SKAP2: variants seen among roughly 807,000 people sequenced by gnomAD.
SKAP2 encodes src kinase-associated phosphoprotein 2.
In SKAP2, 28 loss-of-function variants were observed where a neutral mutation model predicts 54.9. That is an observed-to-expected ratio of 0.51 (90% CI 0.38 to 0.70). The LOEUF is 0.70. Among genes scored for constraint, SKAP2 ranks in the 30% least tolerant of loss-of-function variants. SKAP2 has a pLI of 0.00. For missense variants in SKAP2, 356 were observed against 424.1 expected (o/e 0.84, Z 1.41); for synonymous variants, 137 against 134.3 (o/e 1.02, Z -0.14).
chr7:26,657,903 A>G, the SKAP2 span, among the ~76,000 whole-genome samples: 13 of 152,242 alleles, frequency 8.5e-5, no homozygotes, highest in East Asian at 2.1e-3. Flanking sequence ...TGTATGCTGC[A>G]TACCAATTTC....
At chr7:26,766,618 T>C (rs897201029) in intron 4 of SKAP2, among the ~76,000 whole-genome samples, 12 of 152,226 alleles carry the variant, frequency 7.9e-5, no homozygotes, top group Non-Finnish European at 1.5e-4. Context: ...TTGTCATAAA[T>C]AGCTCTTACT....
At chr7:26,830,191 T>C (rs1157781312) in intron 4 of SKAP2, among the ~76,000 whole-genome samples, 1 of 152,182 alleles carries the variant, frequency 6.6e-6, no homozygotes, top group East Asian at 1.9e-4. Context: ...TATAAATCTG[T>C]AGAAACAGAA....
Position 26,864,523 on chromosome 7 carries a change from G to A in SKAP2, c.-94C>T. 1.3e-6 allele frequency: 2 copies of A among 1,490,582 alleles called. No homozygotes were observed. The highest frequency in any genetic ancestry group is 8.9e-7 in the Non-Finnish European group (1 of 1,121,638). 92.3% of individuals were successfully genotyped at this position (1,490,582 alleles called of 1,614,324 possible). ...GCTGCGACCTAGACTCAGGCTAGCGGCCCGGATTAAGAACAGCGGGGCTAC... is the reference window on the plus strand; with the variant it reads ...GCTGCGACCTAGACTCAGGCTAGCGACCCGGATTAAGAACAGCGGGGCTAC... On this transcript the variant is annotated 5_prime_UTR_variant, in exon 1 of 13. Coordinates refer to ENST00000345317, the MANE Select transcript of SKAP2 (RefSeq NM_003930.5).
At chr7:26,820,985 T>C (rs928885056) in intron 4 of SKAP2, among the ~76,000 whole-genome samples, 7 of 152,302 alleles carry the variant, frequency 4.6e-5, no homozygotes, top group Admixed American at 2.6e-4. Flanking sequence ...AAACTAAGGC[T>C]TAAACAGAAA....
intron 4 of SKAP2, among the ~76,000 whole-genome samples, chr7:26,825,536 A>G (rs75859681): frequency 6.6e-6 from 1 of 150,766 alleles, no homozygotes; most frequent in Non-Finnish European, 1.5e-5. Context: ...CTTCTCATAC[A>G]TTGCTAAAAA....
intron 4 of SKAP2, among the ~76,000 whole-genome samples, chr7:26,748,025 A>G (rs1412705250): frequency 1.3e-5 from 2 of 152,174 alleles, no homozygotes; most frequent in Non-Finnish European, 2.9e-5. Context: ...TATGACACGG[A>G]GTCCAATTAT....
At chr7:26,823,632 G>A (rs1285802639) in intron 4 of SKAP2, among the ~76,000 whole-genome samples, 1 of 152,080 alleles carries the variant, frequency 6.6e-6, no homozygotes, top group African/African-American at 2.4e-5. Context: ...ATCTAGCAGA[G>A]GTTGGTTCAT....
At chr7:26,772,307 T>C (rs977347670) in intron 4 of SKAP2, among the ~76,000 whole-genome samples, 1 of 152,172 alleles carries the variant, frequency 6.6e-6, no homozygotes, top group African/African-American at 2.4e-5. Context: ...TGGGGTTTGG[T>C]GTACAAATGA....
chr7:26,754,356 T>A (rs1782744837), intron 4 of SKAP2, among the ~76,000 whole-genome samples: 1 of 80,822 alleles, frequency 1.2e-5, no homozygotes, highest in Non-Finnish European at 2.2e-5. Context: ...ACAGTGAGAC[T>A]CCGTCACACA....
At chr7:26,681,166 C>T (rs1786484281) in intron 11 of SKAP2, among the ~76,000 whole-genome samples, 2 of 152,184 alleles carry the variant, frequency 1.3e-5, no homozygotes, top group African/African-American at 4.8e-5. Flanking sequence ...AATTAAAACA[C>T]TTGCCGGGTG....
intron 9 of SKAP2, among the ~76,000 whole-genome samples, chr7:26,698,680 C>G (rs371620192): frequency 1.3e-5 from 2 of 152,262 alleles, no homozygotes; most frequent in East Asian, 3.9e-4. Context: ...GCTGAATTAG[C>G]CATTTTTTTA....
chr7:26,813,973 T>C (rs1195880492), intron 4 of SKAP2, among the ~76,000 whole-genome samples: 1 of 152,180 alleles, frequency 6.6e-6, no homozygotes, highest in Non-Finnish European at 1.5e-5. Context: ...TTCTTGATAT[T>C]AGGAGCAAAT....
intron 4 of SKAP2, among the ~76,000 whole-genome samples, chr7:26,777,158 T>C (rs1783329034): frequency 6.6e-6 from 1 of 152,138 alleles, no homozygotes; most frequent in Non-Finnish European, 1.5e-5. Context: ...TTAAAAAATA[T>C]TTTAACATGA....
rs529091818 is a variant in SKAP2 at position 26,840,021 on chromosome 7, T to C, written c.307+4009A>G. On this transcript the variant is annotated intron_variant, in intron 4 of 12. Coordinates refer to ENST00000345317, the MANE Select transcript of SKAP2 (RefSeq NM_003930.5). ...TTTTTAATATTATAAATTATGATAA[T>C]AGTTCAGCCTTTTTCTTAATCCCTG... Among the ~76,000 whole-genome samples the C allele has an allele frequency of 6.6e-5, 10 of 152,184 alleles. No individual in the cohort carries two copies. The East Asian group carries it at 1.7e-3, about 26-fold the overall frequency.
intron 9 of SKAP2, among the ~76,000 whole-genome samples, chr7:26,696,006 C>T (rs1361551930): frequency 6.6e-6 from 1 of 152,104 alleles, no homozygotes; most frequent in East Asian, 1.9e-4. Context: ...TGACCTGTGG[C>T]AAGTCACAAA....
In SKAP2 at chr7:26,854,803, A is replaced by G; in HGVS notation, c.155T>C (p.Ile52Thr). ...KEKRESLIKK[I>T]KDVKSIYLQE... ...GACTTACATAGACTTTACATCTTTT[A>G]TCTTCTTAATAAGGGATTCTCTCTT... Residue 52 changes from isoleucine to threonine, a missense_variant, in exon 2 of 13, where the codon ATA (isoleucine) becomes ACA (threonine). Physicochemically the swap from Ile to Thr is moderately conservative, Grantham distance 89. Transcript: ENST00000345317. 1 of 1,599,958 alleles carries G rather than the reference A, an allele frequency of 6.3e-7. No individual in the cohort carries two copies. Among genetic ancestry groups the G allele is most frequent in the South Asian group, 1.1e-5 (1 of 90,430 alleles).
At chr7:26,707,738 A>G (rs1787195942) in intron 9 of SKAP2, among the ~76,000 whole-genome samples, 1 of 152,118 alleles carries the variant, frequency 6.6e-6, no homozygotes, top group African/African-American at 2.4e-5. Flanking sequence ...GAGACCCCCA[A>G]CAGCCCAGGG....
At chr7:26,670,811 A>T (rs1035694175) in intron 11 of SKAP2, among the ~76,000 whole-genome samples, 1 of 152,118 alleles carries the variant, frequency 6.6e-6, no homozygotes, top group Non-Finnish European at 1.5e-5. Context: ...AGTTTCCCTA[A>T]GGCATTTATT....
chr7:26,777,383 A>G (rs1783333887), intron 4 of SKAP2, among the ~76,000 whole-genome samples: 1 of 152,150 alleles, frequency 6.6e-6, no homozygotes, highest in African/African-American at 2.4e-5. Context: ...AAAAAAGAGG[A>G]AATAAGATTT....
Sources: gnomAD v4.1 joint callset for allele counts (sites outside exome capture counted in the v4.1 genomes callset) on GRCh38, gnomAD v4.1.1 for gene constraint, MANE v1.5 for transcripts, NCBI Gene and HGNC (gene_info 2026-07-23, HGNC 2026-07-21) for gene names.